Variants in INPP4B observed in about 807,000 individuals in gnomAD.
INPP4B encodes the protein inositol polyphosphate-4-phosphatase type II B, also known as inositol polyphosphate 4-phosphatase type II.
In INPP4B, 55 loss-of-function variants were observed where a neutral mutation model predicts 122.5. The ratio of observed to expected loss-of-function variants is 0.45; its 90% CI spans 0.36 to 0.56. The LOEUF is 0.56. INPP4B is among the 20% of genes least tolerant of loss of function. The pLI is 0.00. For missense variants in INPP4B, 1,000 were observed against 1,097.7 expected (o/e 0.91, Z 1.26); for synonymous variants, 403 against 388.7 (o/e 1.04, Z -0.43).
chr4:142,302,137 G>C (rs759336217), intron 9 of INPP4B, among the ~76,000 whole-genome samples: 1 of 152,072 alleles, frequency 6.6e-6, no homozygotes, highest in African/African-American at 2.4e-5. Flanking sequence ...ATAAGAACAC[G>C]TTCCATAGGT....
At chr4:142,659,763 A>G (rs1222115873) in intron 2 of INPP4B, among the ~76,000 whole-genome samples, 1 of 152,154 alleles carries the variant, frequency 6.6e-6, no homozygotes, top group Non-Finnish European at 1.5e-5. Context: ...AAGCATAACT[A>G]TAGCAAACAC....
intron 2 of INPP4B, among the ~76,000 whole-genome samples, chr4:142,710,681 T>C (rs886165974): frequency 6.6e-6 from 1 of 152,226 alleles, no homozygotes; most frequent in Non-Finnish European, 1.5e-5. Flanking sequence ...TATACCTCAT[T>C]ACTTCCCAAT....
intron 1 of INPP4B, among the ~76,000 whole-genome samples, chr4:142,819,347 C>A (rs1028363701): frequency 6.6e-6 from 1 of 152,090 alleles, no homozygotes; most frequent in Admixed American, 6.6e-5. Flanking sequence ...CATTTCCAAC[C>A]AACTTGTAAA....
intron 2 of INPP4B, among the ~76,000 whole-genome samples, chr4:142,578,616 G>A (rs891999306): frequency 5.9e-5 from 9 of 151,814 alleles, no homozygotes; most frequent in Admixed American, 2.0e-4. Context: ...ATAAGGACAC[G>A]AGTCAGATTG....
chr4:142,204,616 G>C (rs1052171831), intron 14 of INPP4B, among the ~76,000 whole-genome samples: 7 of 151,992 alleles, frequency 4.6e-5, no homozygotes, highest in Non-Finnish European at 1.0e-4. Context: ...TAATCCACTT[G>C]AAATAAAGCC....
At chr4:142,758,921 C>A (rs185526496) in intron 1 of INPP4B, among the ~76,000 whole-genome samples, 1 of 149,968 alleles carries the variant, frequency 6.7e-6, no homozygotes, top group Non-Finnish European at 1.5e-5. Flanking sequence ...CCACTGCACT[C>A]CAGCCTGAGA....
At chr4:142,414,220 A>G (rs1453595852) in intron 5 of INPP4B, among the ~76,000 whole-genome samples, 3 of 152,136 alleles carry the variant, frequency 2.0e-5, no homozygotes, top group Non-Finnish European at 4.4e-5. Flanking sequence ...ACCATCCTAT[A>G]ACACAACAAT....
At chr4:142,045,043 AT>A (rs1452093431) in intron 25 of INPP4B, among the ~76,000 whole-genome samples, 1 of 152,114 alleles carries the variant, frequency 6.6e-6, no homozygotes, top group Non-Finnish European at 1.5e-5. Context: ...CCAAAATTGA[AT>A]TTCTGAGCAC....
intron 12 of INPP4B, among the ~76,000 whole-genome samples, chr4:142,234,530 G>A (rs1855843181): frequency 6.6e-6 from 1 of 151,960 alleles, no homozygotes; most frequent in Non-Finnish European, 1.5e-5. Flanking sequence ...TCCCCTTTGA[G>A]TCTCCAGGAA....
intron 7 of INPP4B, among the ~76,000 whole-genome samples, chr4:142,388,724 A>G (rs189169964): frequency 6.6e-6 from 1 of 152,156 alleles, no homozygotes. Flanking sequence ...ACTTTTAGGG[A>G]TGGGCTAATT....
At chr4:142,277,665 TCATACACACACACA>T (rs1316326879) in intron 9 of INPP4B, among the ~76,000 whole-genome samples, 2 of 104,176 alleles carry the variant, frequency 1.9e-5, no homozygotes, top group African/African-American at 6.7e-5. Context: ...AAAGAAAATA[TCATACACACACACA>T]CATACACACA....
chr4:142,035,923 C>CT (rs148110484), intron 25 of INPP4B, among the ~76,000 whole-genome samples: 10,170 of 151,868 alleles, frequency 0.067, 397 homozygotes, highest in African/African-American at 0.11. Flanking sequence ...AGATATAGTT[C>CT]TTTTTTTTAA....
At chr4:142,658,833 C>T (rs993253665) in intron 2 of INPP4B, among the ~76,000 whole-genome samples, 20 of 152,080 alleles carry the variant, frequency 1.3e-4, no homozygotes, top group African/African-American at 3.6e-4. Flanking sequence ...AAGAATGTCA[C>T]GTTCTAACAG....
At chr4:142,518,692 A>C (rs1825714229) in intron 2 of INPP4B, 1 of 152,188 alleles carries the variant, frequency 6.6e-6, no homozygotes, top group Admixed American at 6.5e-5. Flanking sequence ...CTCTCATATC[A>C]TTCACTCTAG....
At chr4:142,191,460 C>A (rs188343352) in intron 15 of INPP4B, among the ~76,000 whole-genome samples, 14 of 152,310 alleles carry the variant, frequency 9.2e-5, no homozygotes, top group African/African-American at 2.9e-4. Context: ...CATCCCCACT[C>A]AGATTCCATG....
At chr4:142,276,399 C>T (rs573763143) in intron 9 of INPP4B, among the ~76,000 whole-genome samples, 21 of 151,914 alleles carry the variant, frequency 1.4e-4, no homozygotes, top group Non-Finnish European at 2.5e-4. Flanking sequence ...ATTTTTGGCT[C>T]ACACTGATCC....
In INPP4B at chr4:142,023,408, TAAATA is replaced by T. The variant is rs1344212956; in HGVS notation, c.*5369_*5373del. ...AAAACCTAAAAGTTAAATGTTAGAT[TAAATA>T]AAATTATAAAATATCCACACGAGAA... On this transcript the variant is annotated 3_prime_UTR_variant, in exon 26 of 26. Coordinates refer to ENST00000262992, the MANE Select transcript of INPP4B (RefSeq NM_001101669.3). 6.6e-6 allele frequency: 1 copy of T among 152,196 alleles called. No individual in the cohort carries two copies. The highest frequency in any genetic ancestry group is 1.5e-5 in the Non-Finnish European group (1 of 68,040). 9.4% of individuals were successfully genotyped at this position (152,196 alleles called of 1,614,324 possible).
chr4:142,638,197 A>G (rs1440753728), intron 2 of INPP4B, among the ~76,000 whole-genome samples: 1 of 152,178 alleles, frequency 6.6e-6, no homozygotes, highest in Non-Finnish European at 1.5e-5. Flanking sequence ...ATTTCAGTTT[A>G]GTAAAGTCCA....
At chr4:142,682,201 T>C (rs2150686778) in intron 2 of INPP4B, among the ~76,000 whole-genome samples, 1 of 152,060 alleles carries the variant, frequency 6.6e-6, no homozygotes, top group Admixed American at 6.6e-5. Flanking sequence ...TCTAGGTTTA[T>C]TTGACACTTT....
Sources: gnomAD v4.1 joint callset for allele counts (sites outside exome capture counted in the v4.1 genomes callset) on GRCh38, gnomAD v4.1.1 for gene constraint, MANE v1.5 for transcripts, NCBI Gene and HGNC (gene_info 2026-07-23, HGNC 2026-07-21) for gene names.